UNC80: variants seen among roughly 807,000 people sequenced by gnomAD.
UNC80 encodes unc-80 subunit of NALCN channel complex, also known as protein unc-80 homolog.
In UNC80, 164 loss-of-function variants were observed where a neutral mutation model predicts 384.6. The ratio of observed to expected loss-of-function variants is 0.43; its 90% CI spans 0.38 to 0.49. UNC80 has a LOEUF of 0.49. Among genes scored for constraint, UNC80 ranks in the 20% least tolerant of loss-of-function variants. UNC80 has a pLI of 0.00. For missense variants in UNC80, 3,330 were observed against 4,143.0 expected (o/e 0.80, Z 5.39); for synonymous variants, 1,486 against 1,527.8 (o/e 0.97, Z 0.64).
At chr2:209,911,590 T>C (rs2088946437) in intron 29 of UNC80, among the ~76,000 whole-genome samples, 1 of 152,236 alleles carries the variant, frequency 6.6e-6, no homozygotes, top group Non-Finnish European at 1.5e-5. Context: ...TCTTTCAAAA[T>C]ATCTTTATCC....
intron 7 of UNC80, chr2:209,809,116 T>C (rs571049045): frequency 1.8e-6 from 1 of 551,624 alleles, no homozygotes; most frequent in South Asian, 1.9e-5. Context: ...ACAGCCTTCT[T>C]CGTCTTTCTC....
chr2:209,826,764 T>A (rs11695073), intron 14 of UNC80, among the ~76,000 whole-genome samples: 1,691 of 152,276 alleles, frequency 0.011, 15 homozygotes, highest in Non-Finnish European at 0.016. Context: ...CTGGGATGGT[T>A]GCTTCATATG....
At chr2:209,860,653 C>T (rs879359698) in intron 22 of UNC80, among the ~76,000 whole-genome samples, 4 of 152,140 alleles carry the variant, frequency 2.6e-5, no homozygotes, top group Admixed American at 6.5e-5. Flanking sequence ...TGGCCATTTT[C>T]ATGATATTGA....
chr2:209,788,607 A>G (rs2077603765), intron 5 of UNC80, among the ~76,000 whole-genome samples: 1 of 147,810 alleles, frequency 6.8e-6, no homozygotes. Context: ...TAAAAGTAAA[A>G]TAAATATATA....
intron 25 of UNC80, 81 bp downstream of exon 25, chr2:209,881,175 T>C (rs1360068468): frequency 2.1e-6 from 3 of 1,455,578 alleles, no homozygotes; most frequent in Non-Finnish European, 2.8e-6. Context: ...TTCACAGTTT[T>C]CTTAAATGTT....
chr2:209,914,544 C>T (rs902684558), intron 31 of UNC80, among the ~76,000 whole-genome samples: 2 of 146,028 alleles, frequency 1.4e-5, no homozygotes, highest in Non-Finnish European at 3.0e-5. Flanking sequence ...TCTCCTATGA[C>T]CCGCCCCCCT....
chr2:209,943,625 TGGCAGAGATGC>T, intron 45 of UNC80, 111 bp downstream of exon 45: 1 of 1,301,228 alleles, frequency 7.7e-7, no homozygotes, highest in Non-Finnish European at 1.1e-6. Context: ...ACTTGTGTTT[TGGCAGAGATGC>T]AAAGGCAGGC....
In UNC80 at chr2:209,913,956, C is replaced by T; in HGVS notation, c.5029+16C>T. On this transcript the variant is annotated intron_variant, in intron 31 of 64. Transcript: ENST00000673920. ...GGGGCAGCAGGTAAAGAAAGACCAC[C>T]TGGAACCCTGTGCCTGCTGCCACTG... 10 of 1,529,976 alleles carry T rather than the reference C, an allele frequency of 6.5e-6. No individual in the cohort carries two copies. The highest frequency in any genetic ancestry group is 8.8e-6 in the Non-Finnish European group (10 of 1,132,558). The allele number at this position is 1,529,976 out of a possible 1,614,324, so 94.8% of individuals were successfully genotyped here. A position where few individuals can be genotyped will look rare whatever the true frequency, so the allele number is the denominator to read the frequency against.
In UNC80 at chr2:209,877,987, G is replaced by A. The variant is rs1378037500; in HGVS notation, c.3874G>A (p.Gly1292Arg). The change falls in exon 24 of 65, where the codon GGG becomes AGG. Residue 1292 changes from glycine (G) to arginine (R), a missense_variant. Gly to Arg is a moderately radical substitution (Grantham distance 125). This residue lies in a region of UNC80 where 801 missense variants were observed against 950.8 expected (regional missense o/e 0.84). Transcript: ENST00000673920. ...IGVRLNELCH[G>R]ESESPANLLG... is the part of the protein sequence containing the mutation. ...CGTCCGATTGAATGAGCTGTGCCAC[G>A]GGGAAAGTGAGAGCCCAGCCAACCT... The A allele has an allele frequency of 1.2e-5, 18 of 1,541,344 alleles. No individual in the cohort carries two copies. The highest frequency in any genetic ancestry group is 1.7e-4 in the Middle Eastern group (1 of 5,972).
At chr2:209,865,525 C>T (rs1334685839) in intron 22 of UNC80, among the ~76,000 whole-genome samples, 2 of 151,504 alleles carry the variant, frequency 1.3e-5, no homozygotes, top group Non-Finnish European at 2.9e-5. Flanking sequence ...TGGCGTGAAC[C>T]CGGGAGGCGG....
chr2:209,855,837 C>T (rs1318279638), intron 22 of UNC80, among the ~76,000 whole-genome samples: 2 of 152,082 alleles, frequency 1.3e-5, no homozygotes, highest in South Asian at 2.1e-4. Context: ...AATGTTTACT[C>T]ATGAATGGTA....
chr2:209,822,731 AT>A (rs1321739767), intron 13 of UNC80, among the ~76,000 whole-genome samples: 1 of 152,028 alleles, frequency 6.6e-6, no homozygotes, highest in African/African-American at 2.4e-5. Context: ...TCCAAGTGGC[AT>A]TTTAACCACA....
chr2:209,890,016 T>C (rs1197549706), intron 26 of UNC80, among the ~76,000 whole-genome samples: 1 of 152,138 alleles, frequency 6.6e-6, no homozygotes, highest in African/African-American at 2.4e-5. Context: ...TTTATTCTTA[T>C]TGAAAAAGGA....
At chr2:209,940,833 A>G (rs2091582356) in intron 43 of UNC80, among the ~76,000 whole-genome samples, 1 of 152,106 alleles carries the variant, frequency 6.6e-6, no homozygotes, top group East Asian at 1.9e-4. Flanking sequence ...ACAAAAAACA[A>G]AAAACAAAAC....
chr2:209,809,698 G>A (rs2079192551), intron 7 of UNC80: 1 of 500,402 alleles, frequency 2.0e-6, no homozygotes, highest in South Asian at 3.2e-5. Flanking sequence ...ATTCCCTCCT[G>A]AGCGCCCCCA....
rs776605585 is a variant in UNC80 at position 209,913,954 on chromosome 2, A to T, written c.5029+14A>T. ...CAGGGGCAGCAGGTAAAGAAAGACC[A>T]CCTGGAACCCTGTGCCTGCTGCCAC... On this transcript the variant is annotated intron_variant, in intron 31 of 64. Coordinates refer to ENST00000673920, the MANE Select transcript of UNC80 (RefSeq NM_001371986.1). 6 of 1,535,346 alleles carry T rather than the reference A, an allele frequency of 3.9e-6. No homozygotes were observed. Among genetic ancestry groups the T allele is most frequent in the Non-Finnish European group, 5.3e-6 (6 of 1,135,640 alleles).
At chr2:209,792,259 A>G (rs1013715482) in intron 6 of UNC80, among the ~76,000 whole-genome samples, 1 of 152,208 alleles carries the variant, frequency 6.6e-6, no homozygotes, top group African/African-American at 2.4e-5. Context: ...ATTCAAGATC[A>G]CACCACTGCA....
intron 25 of UNC80, among the ~76,000 whole-genome samples, chr2:209,886,986 C>T (rs1054510625): frequency 2.6e-5 from 4 of 152,080 alleles, no homozygotes; most frequent in Non-Finnish European, 4.4e-5. Context: ...CATCTAGAGG[C>T]CACCCACATT....
In UNC80 at chr2:209,849,547, G is replaced by A; in HGVS notation, c.3551G>A (p.Arg1184His). The part of the protein sequence containing the change: ...NLGAIRQGMK[R>H]FQFLLNCCEP... ...GGAGCAATCCGACAAGGCATGAAAC[G>A]CTTCCAATTTCTGTTAAACTGCTGT... The change falls in exon 22 of 65, where the codon CGC (arginine) becomes CAC (histidine). Residue 1184 changes from arginine (R) to histidine (H), a missense_variant. Coordinates refer to ENST00000673920, the MANE Select transcript of UNC80 (RefSeq NM_001371986.1). 6 of 1,550,902 alleles carry A rather than the reference G, an allele frequency of 3.9e-6. No individual in the cohort carries two copies. The highest frequency in any genetic ancestry group is 5.2e-6 in the Non-Finnish European group (6 of 1,146,512).
Sources: gnomAD v4.1 joint callset for allele counts (sites outside exome capture counted in the v4.1 genomes callset) on GRCh38, gnomAD v4.1.1 for gene constraint, gnomAD v4.1.1 regional missense constraint, MANE v1.5 for transcripts, NCBI Gene and HGNC (gene_info 2026-07-23, HGNC 2026-07-21) for gene names.